CLIP2: variants seen among roughly 807,000 people sequenced by gnomAD.
The protein encoded by CLIP2 is CAP-Gly domain-containing linker protein 2.
In CLIP2, 41 loss-of-function variants were observed where a neutral mutation model predicts 111.7. The observed-to-expected ratio is 0.37, with a 90% CI of 0.29 to 0.48. The LOEUF is 0.48. CLIP2 is among the 20% of genes least tolerant of loss of function. The pLI is 0.99. For missense variants in CLIP2, 1,160 were observed against 1,422.1 expected (o/e 0.82, Z 2.96); for synonymous variants, 660 against 644.2 (o/e 1.02, Z -0.37).
chr7:74,300,585 A>G (rs1272886724), intron 1 of CLIP2, among the ~76,000 whole-genome samples: 1 of 151,432 alleles, frequency 6.6e-6, no homozygotes, highest in African/African-American at 2.4e-5. Context: ...CCTCCCAAGT[A>G]GCTGGGACTA....
chr7:74,370,483 A>C (rs573606342), intron 8 of CLIP2, among the ~76,000 whole-genome samples: 1 of 152,138 alleles, frequency 6.6e-6, no homozygotes, highest in African/African-American at 2.4e-5. Flanking sequence ...TAATTTAAAA[A>C]TAAAAATGTA....
At chr7:74,291,493 C>A (rs1788017756) in intron 1 of CLIP2, among the ~76,000 whole-genome samples, 1 of 152,234 alleles carries the variant, frequency 6.6e-6, no homozygotes, top group African/African-American at 2.4e-5. Flanking sequence ...TGACCTTGCA[C>A]ATTGCATCTC....
intron 2 of CLIP2, among the ~76,000 whole-genome samples, chr7:74,335,924 A>T (rs2116551162): frequency 6.7e-6 from 1 of 148,818 alleles, no homozygotes; most frequent in East Asian, 2.0e-4. Flanking sequence ...TTATATTTTT[A>T]GTAGAGACAG....
chr7:74,347,697 A>G (rs1286584786), intron 3 of CLIP2, among the ~76,000 whole-genome samples: 2 of 152,242 alleles, frequency 1.3e-5, no homozygotes, highest in African/African-American at 4.8e-5. Flanking sequence ...TCTGAGAAAT[A>G]AGAGAAGGTG....
Position 74,376,077 on chromosome 7 carries a change from A to G in CLIP2, c.1676A>G (p.Glu559Gly). 1 of 1,612,744 alleles carries G rather than the reference A, an allele frequency of 6.2e-7. No homozygotes were observed. Among genetic ancestry groups the G allele is most frequent in the Non-Finnish European group, 8.5e-7 (1 of 1,179,780 alleles). The change falls in exon 10 of 17, where the codon GAG becomes GGG. Residue 559 changes from glutamate to glycine, a missense_variant. Coordinates refer to ENST00000223398, the MANE Select transcript of CLIP2 (RefSeq NM_003388.5). This position sits in a 1 kb window ranked among gnomAD's most constrained non-coding sequence, Gnocchi z 7.1. ...TCGGCCAGCAAGGAACACCAGAGGGAGAGTGGGGTGCTGCGGGATAAATAC... is the reference window on the plus strand; with the variant it reads ...TCGGCCAGCAAGGAACACCAGAGGGGGAGTGGGGTGCTGCGGGATAAATAC... Reference protein sequence around the residue: ...LLSASKEHQRESGVLRDKYEK... With the variant: ...LLSASKEHQRGSGVLRDKYEK...
chr7:74,321,886 GCCGCTTC>G (rs1200821295), intron 2 of CLIP2, among the ~76,000 whole-genome samples: 1 of 151,956 alleles, frequency 6.6e-6, no homozygotes, highest in Admixed American at 6.6e-5. Context: ...CTCACCCAGA[GCCGCTTC>G]CAGACGTGCA....
intron 6 of CLIP2, among the ~76,000 whole-genome samples, chr7:74,358,344 C>A (rs959018524): frequency 1.3e-5 from 2 of 152,104 alleles, no homozygotes; most frequent in Admixed American, 1.3e-4. Flanking sequence ...AGCCACCATG[C>A]CCAGCCCTGC....
chr7:74,374,948 T>G (rs1398972610), intron 9 of CLIP2, among the ~76,000 whole-genome samples: 3 of 152,308 alleles, frequency 2.0e-5, no homozygotes, highest in Admixed American at 2.0e-4. Flanking sequence ...AGCATTAAAC[T>G]GGACCCTTCT....
intron 8 of CLIP2, among the ~76,000 whole-genome samples, chr7:74,366,828 A>G (rs1790479350): frequency 7.3e-6 from 1 of 136,820 alleles, no homozygotes; most frequent in South Asian, 2.6e-4. Flanking sequence ...GTGAGCCGCG[A>G]TTGCGCCACT....
intron 3 of CLIP2, among the ~76,000 whole-genome samples, chr7:74,342,989 G>C (rs1443010336): frequency 3.3e-5 from 5 of 151,144 alleles, no homozygotes; most frequent in Non-Finnish European, 7.4e-5. Context: ...GAGCCAAGAT[G>C]GTGCCACTGC....
chr7:74,292,832 G>A (rs1788065289), intron 1 of CLIP2, among the ~76,000 whole-genome samples: 1 of 152,204 alleles, frequency 6.6e-6, no homozygotes, highest in South Asian at 2.1e-4. Flanking sequence ...GTATGCCTGG[G>A]AGGCATGCTT....
rs782382680 is a variant in CLIP2, at chr7:74,401,526, G to A, written c.3088G>A (p.Ala1030Thr). 22 of 1,614,130 alleles carry A rather than the reference G, an allele frequency of 1.4e-5. No homozygotes were observed. The highest frequency in any genetic ancestry group is 1.8e-5 in the Non-Finnish European group (21 of 1,180,018). Residue 1030 changes from alanine (A) to threonine (T), a missense_variant, in exon 16 of 17, where the codon GCA (alanine) becomes ACA (threonine). Around this residue, in one of 5 missense-constraint regions of CLIP2, gnomAD observed 676 missense variants for 777.8 expected, o/e 0.87. Transcript: ENST00000223398. ...KAQTIGNSGS[A>T]NGIHQQDKAQ... Reference sequence around the variant, plus strand: ...CCAGACCATCGGCAATTCCGGTTCTGCAAACGGCATCCACCAGCAGGACAA... The same window carrying A: ...CCAGACCATCGGCAATTCCGGTTCTACAAACGGCATCCACCAGCAGGACAA...
intron 2 of CLIP2, among the ~76,000 whole-genome samples, chr7:74,325,347 T>C (rs556773003): frequency 6.6e-6 from 1 of 152,204 alleles, no homozygotes; most frequent in African/African-American, 2.4e-5. Flanking sequence ...GGCAAAGTCC[T>C]GGGTGGAGCA....
intron 13 of CLIP2, among the ~76,000 whole-genome samples, chr7:74,396,054 G>C (rs1448231028): frequency 6.6e-6 from 1 of 152,190 alleles, no homozygotes; most frequent in African/African-American, 2.4e-5. Flanking sequence ...TTTCCCCTCT[G>C]TAGTAGTTGC....
chr7:74,330,097 T>C (rs1789233548), intron 2 of CLIP2, among the ~76,000 whole-genome samples: 1 of 151,620 alleles, frequency 6.6e-6, no homozygotes, highest in African/African-American at 2.4e-5. Flanking sequence ...TTTTCTATTA[T>C]TTTTACTTTT....
intron 1 of CLIP2, among the ~76,000 whole-genome samples, chr7:74,312,274 A>C (rs1420579884): frequency 6.6e-6 from 1 of 152,080 alleles, no homozygotes; most frequent in Non-Finnish European, 1.5e-5. Context: ...AAAGTTTGTT[A>C]TTAGATACGA....
intron 1 of CLIP2, among the ~76,000 whole-genome samples, chr7:74,315,939 G>A (rs1161980545): frequency 2.7e-5 from 4 of 150,488 alleles, no homozygotes; most frequent in African/African-American, 7.3e-5. Context: ...TTGTTACATA[G>A]GTAAACGTGT....
intron 13 of CLIP2, among the ~76,000 whole-genome samples, chr7:74,390,731 A>T (rs1791270739): frequency 1.2e-5 from 1 of 84,350 alleles, no homozygotes; most frequent in African/African-American, 5.2e-5. Flanking sequence ...ATAAAAAGTA[A>T]CTATTTTCTG....
At chr7:74,380,216 T>C (rs1790904315) in intron 10 of CLIP2, 1 of 151,992 alleles carries the variant, frequency 6.6e-6, no homozygotes, top group African/African-American at 2.4e-5. Flanking sequence ...AGGGAGCCTA[T>C]TGGTTGTGTT....
Sources: gnomAD v4.1 joint callset for allele counts (sites outside exome capture counted in the v4.1 genomes callset) on GRCh38, gnomAD v4.1.1 for gene constraint, gnomAD v4.1.1 regional missense constraint, Gnocchi (gnomAD v3.1) non-coding constraint, MANE v1.5 for transcripts, NCBI Gene and HGNC (gene_info 2026-07-23, HGNC 2026-07-21) for gene names.